ATG2B: variants seen among roughly 807,000 people sequenced by gnomAD.
The protein encoded by ATG2B is autophagy related 2B, also known as autophagy-related protein 2 homolog B.
ATG2B carries 121 observed loss-of-function variants against 241.3 expected under a neutral mutation model. The ratio of observed to expected loss-of-function variants is 0.50; its 90% confidence interval spans 0.43 to 0.58. ATG2B has a LOEUF of 0.58. ATG2B is among the 20% of genes least tolerant of loss of function. ATG2B has a pLI of 0.00. For missense variants in ATG2B, 2,306 were observed against 2,491.6 expected (o/e 0.93, Z 1.59); for synonymous variants, 858 against 876.6 (o/e 0.98, Z 0.37).
At chr14:96,353,063 TAC>T (rs1330930769) in intron 1 of ATG2B, among the ~76,000 whole-genome samples, 1 of 152,220 alleles carries the variant, frequency 6.6e-6, no homozygotes, top group African/African-American at 2.4e-5. Context: ...TATGTTTAGA[TAC>T]ACAAATACCA....
chr14:96,333,648 A>G (rs1288734772), intron 8 of ATG2B, 40 bp downstream of exon 8: 3 of 1,564,000 alleles, frequency 1.9e-6, no homozygotes, highest in African/African-American at 2.8e-5. Context: ...ATCTATGATT[A>G]TAATATATGA....
intron 1 of ATG2B, among the ~76,000 whole-genome samples, chr14:96,352,373 T>G (rs1379132956): frequency 6.6e-6 from 1 of 151,930 alleles, no homozygotes; most frequent in Non-Finnish European, 1.5e-5. Context: ...TAGAGTATAC[T>G]CCTACTTTAA....
intron 11 of ATG2B, 133 bp from the exon 12 acceptor site, chr14:96,329,767 C>A (rs1740041505): frequency 1.8e-6 from 1 of 564,502 alleles, no homozygotes; most frequent in Admixed American, 3.3e-5. Flanking sequence ...TTCAAATTTC[C>A]CTTTCCTTAA....
At chr14:96,336,101 T>C (rs949647531) in intron 6 of ATG2B, among the ~76,000 whole-genome samples, 4 of 147,730 alleles carry the variant, frequency 2.7e-5, no homozygotes. Flanking sequence ...TAAAACTGAA[T>C]ACATGAAACA....
rs1203560379 is a variant in ATG2B, at chr14:96,308,251, TACAC to T, written c.4303+1198_4303+1201del. Among the ~76,000 whole-genome samples the T allele has an allele frequency of 9.6e-3, 200 of 20,762 alleles. 2 individuals carry two copies. The highest frequency in any genetic ancestry group is 0.053 in the Middle Eastern group (2 of 38). 13.6% of individuals were successfully genotyped at this position (20,762 alleles called of 152,430 possible). A position where few individuals can be genotyped will look rare whatever the true frequency, so the allele number is the denominator to read the frequency against. On this transcript the variant is annotated intron_variant, in intron 29 of 41. Transcript: ENST00000359933. ...ATATACATATATATATATATATATA[TACAC>T]ACATATATATATATATATATATATA...
At chr14:96,360,933 C>CAA (rs35630598) in intron 1 of ATG2B, among the ~76,000 whole-genome samples, 48,741 of 73,642 alleles carry the variant, frequency 0.66, 16,521 homozygotes, top group Middle Eastern at 0.72. Flanking sequence ...AATCCTCTAC[C>CAA]AAAAAAAAAA....
intron 1 of ATG2B, among the ~76,000 whole-genome samples, chr14:96,360,199 GAGA>G (rs1434284280): frequency 1.3e-5 from 2 of 152,226 alleles, no homozygotes; most frequent in East Asian, 3.8e-4. Flanking sequence ...CTTTTACACA[GAGA>G]AGAATTCTCC....
At chr14:96,335,802 ATTG>A (rs1346688331) in intron 6 of ATG2B, among the ~76,000 whole-genome samples, 1 of 152,222 alleles carries the variant, frequency 6.6e-6, no homozygotes, top group East Asian at 1.9e-4. Context: ...TAATTTCACA[ATTG>A]TTGTACTGAA....
intron 41 of ATG2B, among the ~76,000 whole-genome samples, chr14:96,288,663 CTG>C (rs1379524460): frequency 6.6e-6 from 1 of 152,174 alleles, no homozygotes; most frequent in African/African-American, 2.4e-5. Context: ...GCACGTCTGA[CTG>C]TTGTTAGAAT....
At chr14:96,344,551 T>C (rs1028497596) in intron 4 of ATG2B, 103 bp downstream of exon 4, 9 of 517,048 alleles carry the variant, frequency 1.7e-5, no homozygotes, top group South Asian at 3.6e-5. Context: ...TCTGAAATTA[T>C]GCAATATTTT....
rs1886442945 is a variant in ATG2B at position 96,290,037 on chromosome 14, T to C, written c.5857-232A>G. The stretch of plus-strand genomic sequence containing the variant: ...TGGATTGAGCTAAATTTTTAGCCCC[T>C]CCTCTGTTCACTGAGAACACTCAAC... On this transcript the variant is annotated intron_variant, in intron 40 of 41. Transcript: ENST00000359933. The surrounding 1 kb of genome is among the most constrained non-coding windows in gnomAD (Gnocchi z 4.4). The C allele has an allele frequency of 9.7e-7, 1 of 1,036,218 alleles. No individual in the cohort carries two copies. The highest frequency in any genetic ancestry group is 3.4e-5 in the Admixed American group (1 of 29,348). The allele number at this position is 1,036,218 out of a possible 1,614,324, so 64.2% of individuals were successfully genotyped here.
rs765569547 is a variant in ATG2B at position 96,305,726 on chromosome 14, G to A, written c.4596C>T (p.Thr1532=). The change falls in exon 31 of 42, where the codon ACC becomes ACT. Residue 1532 remains threonine (T), a synonymous_variant. Transcript: ENST00000359933. ...DNYFSLPVNK[T]DTSKAPLHFP... The stretch of plus-strand genomic sequence containing the variant: ...AGTGTAAGGGGGCTTTGCTCGTATC[G>A]GTCTTATTAACGGGCAGACTGAAAT... The A allele has an allele frequency of 5.0e-6, 8 of 1,614,092 alleles. No homozygotes were observed. Among genetic ancestry groups the A allele is most frequent in the Admixed American group, 3.3e-5 (2 of 60,026 alleles).
At position 96,290,481 on chromosome 14, in the gene ATG2B, C is replaced by T. The variant is rs767680652; in HGVS notation, c.5811G>A (p.Ala1937=). The T allele has an allele frequency of 7.4e-6, 12 of 1,614,096 alleles. No homozygotes were observed. Among genetic ancestry groups the T allele is most frequent in the African/African-American group, 5.3e-5 (4 of 74,926 alleles). The change falls in exon 40 of 42, where the codon GCG becomes GCA. Residue 1937 remains alanine (A), a synonymous_variant. Coordinates refer to ENST00000359933, the MANE Select transcript of ATG2B (RefSeq NM_018036.7). This position sits in a 1 kb window ranked among gnomAD's most constrained non-coding sequence, Gnocchi z 4.4. ...RGAASFGTST[A]MAALELTNRM... ...TGTTTGTGAGTTCTAGAGCAGCCATCGCTGTCGAGGTACCAAAGGAAGCAG... is the reference window on the plus strand; with the variant it reads ...TGTTTGTGAGTTCTAGAGCAGCCATTGCTGTCGAGGTACCAAAGGAAGCAG...
intron 20 of ATG2B, 71 bp downstream of exon 20, chr14:96,317,074 G>T: frequency 7.5e-7 from 1 of 1,327,046 alleles, no homozygotes. Context: ...TCAATCACTA[G>T]ATATGTATCC....
chr14:96,307,916 T>A (rs1417011257), intron 29 of ATG2B, among the ~76,000 whole-genome samples: 1 of 151,936 alleles, frequency 6.6e-6, no homozygotes, highest in African/African-American at 2.4e-5. Flanking sequence ...TCCCATTCAT[T>A]CATTAAAACC....
At chr14:96,325,143 G>A (rs1887556573) in intron 15 of ATG2B, among the ~76,000 whole-genome samples, 1 of 152,128 alleles carries the variant, frequency 6.6e-6, no homozygotes, top group South Asian at 2.1e-4. Context: ...TGTCAGACTT[G>A]GGTTCAAATC....
At chr14:96,324,930 G>C (rs1448700972) in intron 15 of ATG2B, among the ~76,000 whole-genome samples, 1 of 152,118 alleles carries the variant, frequency 6.6e-6, no homozygotes, top group Admixed American at 6.6e-5. Context: ...CGGAGAGAGG[G>C]TGTCGTGGCA....
Position 96,285,426 on chromosome 14 carries a change from AG to A in ATG2B, c.*328del. ...AATCCAACTCCACAGAGCTACACAA[AG>A]TGTTAGAAGGCAGCTTCCAATGATC... On this transcript the variant is annotated 3_prime_UTR_variant, in exon 42 of 42. Coordinates refer to ENST00000359933, the MANE Select transcript of ATG2B (RefSeq NM_018036.7). This position sits in a 1 kb window ranked among gnomAD's most constrained non-coding sequence, Gnocchi z 4.2. The A allele has an allele frequency of 3.7e-6, 1 of 267,924 alleles. No individual in the cohort carries two copies. Among genetic ancestry groups the A allele is most frequent in the Non-Finnish European group, 7.3e-6 (1 of 137,438 alleles). 16.6% of individuals were successfully genotyped at this position (267,924 alleles called of 1,614,324 possible).
chr14:96,360,639 T>A (rs1888597810), intron 1 of ATG2B, among the ~76,000 whole-genome samples: 1 of 152,196 alleles, frequency 6.6e-6, no homozygotes, highest in African/African-American at 2.4e-5. Flanking sequence ...AGATCAGGAA[T>A]GAAAGGAATG....
Sources: gnomAD v4.1 joint callset for allele counts (sites outside exome capture counted in the v4.1 genomes callset) on GRCh38, gnomAD v4.1.1 for gene constraint, Gnocchi (gnomAD v3.1) non-coding constraint, MANE v1.5 for transcripts, NCBI Gene and HGNC (gene_info 2026-07-23, HGNC 2026-07-21) for gene names.